The following PRKAR1A variants were observed in gnomAD, a reference collection of about 807,000 sequenced individuals.
PRKAR1A encodes the protein cAMP-dependent protein kinase type I-alpha regulatory subunit.
In PRKAR1A, 3 loss-of-function variants were observed where a neutral mutation model predicts 52.0. The observed-to-expected ratio is 0.06, with a 90% CI of 0.03 to 0.15. The LOEUF (loss-of-function observed/expected upper bound fraction) is 0.15, where lower values mean the gene tolerates loss of function less well. Among genes scored for constraint, PRKAR1A ranks in the 10% least tolerant of loss-of-function variants. The probability of loss-of-function intolerance (pLI) is 1.00; values close to 1 mark genes in which losing one functional copy is unlikely to be tolerated. For synonymous variants in PRKAR1A, 188 were observed against 168.4 expected (o/e 1.12, Z -0.90); for missense variants, 240 against 477.4 (o/e 0.50, Z 4.63).
At position 68,547,771 on chromosome 17, in the gene PRKAR1A, G is replaced by A. The variant is rs147759736; in HGVS notation, c.974-3313G>A. Among the ~76,000 whole-genome samples the A allele has an allele frequency of 6.6e-4, 101 of 152,350 alleles. No individual in the cohort carries two copies. The Middle Eastern group carries it at 0.01, about 15-fold the overall frequency. On this transcript the variant is annotated intron_variant, in intron 11 of 11. Transcript: ENST00000585981. ...CTTGCTCCGTATCAGCAGTGAGGCT[G>A]TTTTGCTTTCTTATCATTCGTGTTT...
At chr17:68,512,351 G>A (rs993543200), upstream of PRKAR1A, 1 of 152,970 alleles carries the variant, frequency 6.5e-6, no homozygotes, top group South Asian at 2.1e-4. Context: ...AGGTTGCTAA[G>A]GCGACGGTTC....
chr17:68,496,905 A>G, the PRKAR1A span, among the ~76,000 whole-genome samples: 1 of 133,104 alleles, frequency 7.5e-6, no homozygotes, highest in South Asian at 2.3e-4. Flanking sequence ...AGCTTACTGC[A>G]CTTGACCTCC....
At chr17:68,540,112 C>T (rs2086222560) in intron 11 of PRKAR1A, 1 of 730,086 alleles carries the variant, frequency 1.4e-6, no homozygotes. Context: ...GTCATTTCCT[C>T]AGGGCCATCA....
chr17:68,539,605 C>T lies in PRKAR1A; in HGVS notation c.973+9604C>T, dbSNP rs2286557. 0.31 allele frequency among the ~76,000 whole-genome samples: 47,011 copies of T among 152,204 alleles called. 7,577 individuals carry two copies. The highest frequency in any genetic ancestry group is 0.56 in the East Asian group (2,879 of 5,176). ...AGCTAAGCAATCCTTCATTCATTCA[C>T]TAGCTGCAGAGGGCCAGCCACTGAG... is the stretch of plus-strand genomic sequence containing the variant. On this transcript the variant is annotated intron_variant, in intron 11 of 11. Coordinates refer to the PRKAR1A transcript ENST00000585981.
At chr17:68,539,303 A>G in intron 11 of PRKAR1A, 1 of 1,611,178 alleles carries the variant, frequency 6.2e-7, no homozygotes, top group Admixed American at 1.7e-5. Flanking sequence ...CACAACTGTT[A>G]CTTGCCCGTA....
At chr17:68,538,822 A>G (rs143342944) in intron 11 of PRKAR1A, among the ~76,000 whole-genome samples, 72 of 152,370 alleles carry the variant, frequency 4.7e-4, no homozygotes, top group Middle Eastern at 6.8e-3. Context: ...AATTCATCCT[A>G]TGTGGAAGGA....
downstream of PRKAR1A, among the ~76,000 whole-genome samples, chr17:68,534,802 G>GT (rs1413569578): frequency 6.6e-5 from 10 of 152,106 alleles, no homozygotes; most frequent in Non-Finnish European, 1.3e-4. Flanking sequence ...TTAAACATGC[G>GT]TTAACATAAA....
At chr17:68,536,559 C>T (rs1309600295), downstream of PRKAR1A, 1 of 454,040 alleles carries the variant, frequency 2.2e-6, no homozygotes, top group South Asian at 1.6e-5. Context: ...AGGGCCTCAC[C>T]TTTCCACATA....
the PRKAR1A span, among the ~76,000 whole-genome samples, chr17:68,417,134 G>A: frequency 1.3e-5 from 2 of 152,128 alleles, no homozygotes; most frequent in Non-Finnish European, 2.9e-5. Context: ...GTTTTGGTGA[G>A]CCTGGGCCCT....
At chr17:68,547,673 AC>A (rs1226841802) in intron 11 of PRKAR1A, among the ~76,000 whole-genome samples, 1 of 152,156 alleles carries the variant, frequency 6.6e-6, no homozygotes, top group East Asian at 1.9e-4. Flanking sequence ...GAGAGTTAGA[AC>A]CCTGCTCTGG....
the PRKAR1A span, among the ~76,000 whole-genome samples, chr17:68,429,750 G>A: frequency 0.032 from 4,906 of 152,098 alleles, 262 homozygotes; most frequent in African/African-American, 0.11. Context: ...CACCATACCC[G>A]GCTAATTTTT....
chr17:68,496,818 C>CTTTTTTTTT, the PRKAR1A span, among the ~76,000 whole-genome samples: 54 of 91,206 alleles, frequency 5.9e-4, 3 homozygotes, highest in East Asian at 1.4e-3. Flanking sequence ...TTAGTTTTTA[C>CTTTTTTTTT]TTTTTTTTTT....
the PRKAR1A span, among the ~76,000 whole-genome samples, chr17:68,449,506 C>T: frequency 0.079 from 12,030 of 152,288 alleles, 600 homozygotes; most frequent in East Asian, 0.14. Flanking sequence ...GAATTGTAAT[C>T]TTCAGTGTTG....
At chr17:68,541,675 T>G (rs1020139922) in intron 11 of PRKAR1A, 3 of 271,768 alleles carry the variant, frequency 1.1e-5, no homozygotes, top group Admixed American at 9.5e-5. Flanking sequence ...TGTGCTGTGT[T>G]TTCGTGATCT....
chr17:68,548,863 G>T (rs1370125654), intron 11 of PRKAR1A, among the ~76,000 whole-genome samples: 1 of 150,308 alleles, frequency 6.7e-6, no homozygotes, highest in African/African-American at 2.5e-5. Context: ...CTCCCGAGCA[G>T]CTGGGACTAC....
chr17:68,539,883 A>C (rs1470823232), intron 11 of PRKAR1A: 9 of 1,613,900 alleles, frequency 5.6e-6, no homozygotes, highest in Non-Finnish European at 7.6e-6. Context: ...GGGGAAGCTC[A>C]CCCTCTGGCG....
At position 68,532,969 on chromosome 17, in the gene PRKAR1A, T is replaced by C. The variant is rs2086017701; in HGVS notation, c.*2520T>C. On this transcript the variant is annotated 3_prime_UTR_variant, in exon 11 of 11. Coordinates refer to ENST00000589228, the MANE Select transcript of PRKAR1A (RefSeq NM_002734.5). Reference sequence around the variant, plus strand: ...AATCTTGCTTAAAGGGTAATTGAGATGTAGCAGATTTATTTACTTAGTCAT... The same window carrying C: ...AATCTTGCTTAAAGGGTAATTGAGACGTAGCAGATTTATTTACTTAGTCAT... The C allele has an allele frequency of 9.4e-7, 1 of 1,065,836 alleles. No individual in the cohort carries two copies. Among genetic ancestry groups the C allele is most frequent in the Non-Finnish European group, 1.1e-6 (1 of 879,728 alleles). The allele number at this position is 1,065,836 out of a possible 1,614,324, so 66.0% of individuals were successfully genotyped here.
chr17:68,446,279 C>T, the PRKAR1A span, among the ~76,000 whole-genome samples: 2 of 151,996 alleles, frequency 1.3e-5, no homozygotes, highest in Admixed American at 1.3e-4. Context: ...CTCTGGGGCT[C>T]AGTCCATTTT....
the PRKAR1A span, chr17:68,413,849 A>C: frequency 6.5e-6 from 1 of 152,888 alleles, no homozygotes; most frequent in Non-Finnish European, 1.5e-5. Flanking sequence ...GGAAAAGCGC[A>C]GTATTCGGGT....
Sources: allele counts gnomAD v4.1 joint callset (sites outside exome capture counted in the v4.1 genomes callset), GRCh38; gene constraint gnomAD v4.1.1; transcripts MANE v1.5; gene names NCBI Gene and HGNC (gene_info 2026-07-23, HGNC 2026-07-21).